The following NCAN variants were observed in gnomAD, a reference collection of about 807,000 sequenced individuals.
The protein encoded by NCAN is neurocan core protein.
Under a neutral mutation model 121.8 loss-of-function variants are expected in NCAN, and 47 were observed. The ratio of observed to expected loss-of-function variants is 0.39; its 90% CI spans 0.31 to 0.49. The LOEUF is 0.49. Ranked by LOEUF, NCAN falls within the 20% of genes least tolerant of loss-of-function variation. The probability of loss-of-function intolerance (pLI) is 0.92; values close to 1 mark genes in which losing one functional copy is unlikely to be tolerated. For missense variants in NCAN, 1,517 were observed against 1,773.4 expected (o/e 0.86, Z 2.60); for synonymous variants, 633 against 702.0 (o/e 0.90, Z 1.55).
At position 19,212,478 on chromosome 19, in the gene NCAN, A is replaced by G. The variant is rs1417376135; in HGVS notation, c.-8+414A>G. 6.6e-6 allele frequency among the ~76,000 whole-genome samples: 1 copy of G among 151,460 alleles called. No homozygotes were observed. The highest frequency in any genetic ancestry group is 2.4e-5 in the African/African-American group (1 of 41,152). The stretch of plus-strand genomic sequence containing the variant: ...CTCAGCCGAGACACCCCAGGATTTT[A>G]AGTAGGGATTCCCAATTTGCGGTTG... On this transcript the variant is annotated intron_variant, in intron 1 of 14. Transcript: ENST00000252575. This position sits in a 1 kb window ranked among gnomAD's most constrained non-coding sequence, Gnocchi z 4.5.
chr19:19,243,783 T>G (rs1393494070), intron 12 of NCAN, among the ~76,000 whole-genome samples: 1 of 152,090 alleles, frequency 6.6e-6, no homozygotes, highest in Non-Finnish European at 1.5e-5. Context: ...ATCCCAGCAC[T>G]TTGGGAGGCC....
intron 8 of NCAN, among the ~76,000 whole-genome samples, chr19:19,231,929 A>G (rs1179838628): frequency 1.3e-5 from 2 of 151,786 alleles, no homozygotes; most frequent in South Asian, 4.2e-4. Context: ...GCAGTGAGCT[A>G]TGATCATGCA....
At position 19,224,306 on chromosome 19, in the gene NCAN, G is replaced by A. The variant is rs2060827205; in HGVS notation, c.651G>A (p.Arg217=). 13 of 1,613,030 alleles carry A rather than the reference G, an allele frequency of 8.1e-6. No individual in the cohort carries two copies. The highest frequency in any genetic ancestry group is 1.0e-5 in the Non-Finnish European group (12 of 1,179,226). ...AGGGACCCTCCCCTTGTGTTGTCAGGTATCCTATCACCCAGTCCCGTCCTG... is the reference window on the plus strand; with the variant it reads ...AGGGACCCTCCCCTTGTGTTGTCAGATATCCTATCACCCAGTCCCGTCCTG... The part of the protein sequence containing the change: ...DAGWLSDRTV[R]YPITQSRPGC... Residue 217 remains arginine (R), a splice_region_variant and synonymous_variant, in exon 5 of 15, where the codon CGG becomes CGA. Coordinates refer to ENST00000252575, the MANE Select transcript of NCAN (RefSeq NM_004386.3).
chr19:19,213,877 A>G (rs1355218266), intron 1 of NCAN, among the ~76,000 whole-genome samples: 1 of 152,138 alleles, frequency 6.6e-6, no homozygotes, highest in South Asian at 2.1e-4. Context: ...ATTCACACCC[A>G]TGCACACTAA....
chr19:19,237,222 A>T (rs939794035), intron 10 of NCAN, among the ~76,000 whole-genome samples: 1 of 151,478 alleles, frequency 6.6e-6, no homozygotes, highest in Non-Finnish European at 1.5e-5. Flanking sequence ...TTTTCCTTTT[A>T]AAAAAAAATT....
chr19:19,226,434 C>A lies in NCAN; in HGVS notation c.1073-52C>A, dbSNP rs566954367. ...GAAAGTGGGTAGACTTCAAGCAGAA[C>A]TTCCCAGGCAACCCCTGGGCCTAAC... On this transcript the variant is annotated intron_variant, in intron 6 of 14. Transcript: ENST00000252575. The A allele has an allele frequency of 7.8e-5, 111 of 1,417,296 alleles. 2 individuals are homozygous for A. The South Asian group carries it at 1.5e-3, about 19-fold the overall frequency. 87.8% of individuals were successfully genotyped at this position (1,417,296 alleles called of 1,614,324 possible).
At chr19:19,235,819 C>T (rs2060879256) in intron 10 of NCAN, among the ~76,000 whole-genome samples, 1 of 152,146 alleles carries the variant, frequency 6.6e-6, no homozygotes. Flanking sequence ...GATCTTGGCT[C>T]ATTGCAGCTT....
chr19:19,230,333 T>C (rs1329774366), intron 8 of NCAN, among the ~76,000 whole-genome samples: 2 of 151,556 alleles, frequency 1.3e-5, no homozygotes, highest in African/African-American at 2.4e-5. Flanking sequence ...CTGTGAGCCA[T>C]AGCACCCAGT....
In NCAN at chr19:19,225,804, C is replaced by A. The variant is rs1018262327; in HGVS notation, c.1072+534C>A. Among the ~76,000 whole-genome samples, 1 of 152,198 alleles carries A rather than the reference C, an allele frequency of 6.6e-6. No homozygotes were observed. The highest frequency in any genetic ancestry group is 1.5e-5 in the Non-Finnish European group (1 of 68,010). ...CCAGTCCTGGCATGGGCATACCATG[C>A]CCACGGGGCACCACCTGTACCAGGG... On this transcript the variant is annotated intron_variant, in intron 6 of 14. Transcript: ENST00000252575. The surrounding 1 kb of genome is among the most constrained non-coding windows in gnomAD (Gnocchi z 4.0).
intron 9 of NCAN, among the ~76,000 whole-genome samples, chr19:19,234,215 C>G (rs1348660494): frequency 2.0e-5 from 3 of 152,154 alleles, no homozygotes; most frequent in Admixed American, 6.6e-5. Context: ...CTGCCCTTTC[C>G]TGGGTCGGTG....
Position 19,251,626 on chromosome 19 carries a change from C to G in NCAN, c.*1715C>G, listed in dbSNP as rs2060946467. 2 of 152,070 alleles carry G rather than the reference C, an allele frequency of 1.3e-5. No homozygotes were observed. Among genetic ancestry groups the G allele is most frequent in the Admixed American group, 1.3e-4 (2 of 15,250 alleles). The allele number at this position is 152,070 out of a possible 1,614,324, so 9.4% of individuals were successfully genotyped here. A position where few individuals can be genotyped will look rare whatever the true frequency, so the allele number is the denominator to read the frequency against. On this transcript the variant is annotated 3_prime_UTR_variant, in exon 15 of 15. Transcript: ENST00000252575. ...AGCCAACTCCCATCTTGGTTCTGAC[C>G]CAAATCCTGCTCTGGACTCTGGAGA...
At chr19:19,226,068 T>G (rs1440393266) in intron 6 of NCAN, among the ~76,000 whole-genome samples, 4 of 152,166 alleles carry the variant, frequency 2.6e-5, no homozygotes, top group Admixed American at 2.6e-4. Flanking sequence ...TAGCTGGGAC[T>G]ACAGGAATGT....
chr19:19,219,023 T>A lies in NCAN; in HGVS notation c.182T>A (p.Phe61Tyr). ...LAELVALPCL[F>Y]TLQPRPSAAR... ...GAGCTGGTGGCCCTGCCCTGTCTCTTTACCCTGCAGCCACGGCCAAGCGCA... is the reference window on the plus strand; with the variant it reads ...GAGCTGGTGGCCCTGCCCTGTCTCTATACCCTGCAGCCACGGCCAAGCGCA... Residue 61 changes from phenylalanine to tyrosine, a missense_variant, in exon 3 of 15, where the codon TTT becomes TAT. Phe to Tyr is a conservative substitution (Grantham distance 22, BLOSUM62 3). Coordinates refer to ENST00000252575, the MANE Select transcript of NCAN (RefSeq NM_004386.3). 1.2e-6 allele frequency: 2 copies of A among 1,610,948 alleles called. No individual in the cohort carries two copies. Among genetic ancestry groups the A allele is most frequent in the Non-Finnish European group, 1.7e-6 (2 of 1,178,222 alleles).
chr19:19,241,678 T>TATAAAA (rs773592442), intron 12 of NCAN, among the ~76,000 whole-genome samples: 1 of 150,450 alleles, frequency 6.6e-6, no homozygotes, highest in African/African-American at 2.4e-5. Flanking sequence ...TCTCTAAAAA[T>TATAAAA]ATAAAAATAA....
Position 19,225,310 on chromosome 19 carries a change from A to G in NCAN, c.1072+40A>G. The G allele has an allele frequency of 6.8e-7, 1 of 1,477,876 alleles. No homozygotes were observed. Among genetic ancestry groups the G allele is most frequent in the South Asian group, 1.4e-5 (1 of 72,126 alleles). The allele number at this position is 1,477,876 out of a possible 1,614,324, so 91.5% of individuals were successfully genotyped here. On this transcript the variant is annotated intron_variant, in intron 6 of 14. Transcript: ENST00000252575. This position sits in a 1 kb window ranked among gnomAD's most constrained non-coding sequence, Gnocchi z 4.0. ...TGGTGGCCGCGCCCCCAGGGCTTTC[A>G]CTTTGGCGAAGGCCACGTCCCTGAA...
chr19:19,241,246 G>A (rs1024011075), intron 12 of NCAN, among the ~76,000 whole-genome samples: 2 of 150,274 alleles, frequency 1.3e-5, no homozygotes, highest in East Asian at 2.0e-4. Context: ...ATGATAGAAC[G>A]AGATCCTGTC....
Position 19,225,745 on chromosome 19 carries a change from A to G in NCAN, c.1072+475A>G, listed in dbSNP as rs1188156024. On this transcript the variant is annotated intron_variant, in intron 6 of 14. Transcript: ENST00000252575. The surrounding 1 kb of genome is among the most constrained non-coding windows in gnomAD (Gnocchi z 4.0). The stretch of plus-strand genomic sequence containing the variant: ...ACAGCTTTGGAAGCTGCAAGCATCA[A>G]CCCCAAGGAGCCATGTCCTCTAAGT... Among the ~76,000 whole-genome samples, 1 of 152,046 alleles carries G rather than the reference A, an allele frequency of 6.6e-6. No individual in the cohort carries two copies. Among genetic ancestry groups the G allele is most frequent in the African/African-American group, 2.4e-5 (1 of 41,394 alleles).
intron 1 of NCAN, among the ~76,000 whole-genome samples, chr19:19,215,609 G>A (rs1311428697): frequency 6.6e-6 from 1 of 152,198 alleles, no homozygotes; most frequent in Non-Finnish European, 1.5e-5. Flanking sequence ...AGGAGGATGG[G>A]TGGGCAGGGG....
At chr19:19,223,929 A>C in intron 3 of NCAN, 92 bp from the exon 4 acceptor site, 3 of 1,302,482 alleles carry the variant, frequency 2.3e-6, no homozygotes, top group Non-Finnish European at 3.1e-6. Context: ...ATTATCAGAC[A>C]GGGGTGGGGA....
Sources: gnomAD v4.1 joint callset for allele counts (sites outside exome capture counted in the v4.1 genomes callset) on GRCh38, gnomAD v4.1.1 for gene constraint, Gnocchi (gnomAD v3.1) non-coding constraint, MANE v1.5 for transcripts, NCBI Gene and HGNC (gene_info 2026-07-23, HGNC 2026-07-21) for gene names.